The following NLGN1 variants were observed in gnomAD, a reference collection of about 807,000 sequenced individuals.
NLGN1 encodes neuroligin-1.
NLGN1 carries 12 observed loss-of-function variants against 65.5 expected under a neutral mutation model. The ratio of observed to expected loss-of-function variants is 0.18; its 90% CI spans 0.12 to 0.30. NLGN1 has a LOEUF of 0.30. Ranked by LOEUF, NLGN1 falls within the 10% of genes least tolerant of loss-of-function variation. The probability of loss-of-function intolerance (pLI) is 1.00; values close to 1 mark genes in which losing one functional copy is unlikely to be tolerated. For missense variants in NLGN1, 750 were observed against 1,007.1 expected (o/e 0.74, Z 3.46); for synonymous variants, 350 against 359.5 (o/e 0.97, Z 0.30).
intron 3 of NLGN1, among the ~76,000 whole-genome samples, chr3:173,609,187 A>T (rs1322155370): frequency 6.6e-6 from 1 of 152,014 alleles, no homozygotes; most frequent in Non-Finnish European, 1.5e-5. Context: ...AGAGTTGTGT[A>T]GTCTTGTGTT....
chr3:173,729,969 A>G (rs992092968), intron 3 of NLGN1, among the ~76,000 whole-genome samples: 3 of 151,982 alleles, frequency 2.0e-5, no homozygotes, highest in African/African-American at 7.2e-5. Flanking sequence ...AGTGAGGCAG[A>G]ATTTCCTCTT....
chr3:173,413,928 A>G (rs1425752795), intron 1 of NLGN1, among the ~76,000 whole-genome samples: 2 of 152,198 alleles, frequency 1.3e-5, no homozygotes, highest in African/African-American at 2.4e-5. Flanking sequence ...AAGGTAGAAG[A>G]GATGATGTGA....
intron 3 of NLGN1, among the ~76,000 whole-genome samples, chr3:173,697,534 T>G (rs749745410): frequency 2.6e-5 from 4 of 152,134 alleles, no homozygotes; most frequent in Non-Finnish European, 5.9e-5. Context: ...AGAAAGATTT[T>G]CTTTTTTTTT....
intron 2 of NLGN1, among the ~76,000 whole-genome samples, chr3:173,575,770 G>A (rs776284541): frequency 4.6e-5 from 7 of 151,902 alleles, no homozygotes; most frequent in Admixed American, 1.3e-4. Flanking sequence ...TTTAAGTTTC[G>A]TTTCTTTTCA....
At chr3:173,475,773 G>A (rs1413122620) in intron 2 of NLGN1, among the ~76,000 whole-genome samples, 1 of 152,040 alleles carries the variant, frequency 6.6e-6, no homozygotes, top group East Asian at 1.9e-4. Context: ...CTCTTAATCA[G>A]ATTTACAAAA....
At chr3:173,924,509 G>C (rs1167500226) in intron 4 of NLGN1, among the ~76,000 whole-genome samples, 1 of 151,728 alleles carries the variant, frequency 6.6e-6, no homozygotes, top group Non-Finnish European at 1.5e-5. Context: ...CTGTAGTCCA[G>C]CACTTTCAGA....
intron 4 of NLGN1, among the ~76,000 whole-genome samples, chr3:174,137,014 T>A (rs2152682666): frequency 6.6e-6 from 1 of 152,264 alleles, no homozygotes; most frequent in East Asian, 1.9e-4. Flanking sequence ...TACATTAGTC[T>A]ACAGAGGCAA....
intron 4 of NLGN1, among the ~76,000 whole-genome samples, chr3:174,273,330 CAA>C (rs1749845766): frequency 6.6e-6 from 1 of 151,454 alleles, no homozygotes; most frequent in South Asian, 2.1e-4. Flanking sequence ...CTTTTTCCTT[CAA>C]GAGTTTTTCT....
rs897227997 is a variant in NLGN1, at chr3:173,566,510, GA to G, written c.-320-37761del. Among the ~76,000 whole-genome samples, 87 of 151,656 alleles carry G rather than the reference GA, an allele frequency of 5.7e-4. 1 individual carries two copies. Among genetic ancestry groups the G allele is most frequent in the Admixed American group, 4.7e-3 (71 of 15,248 alleles). The stretch of plus-strand genomic sequence containing the variant: ...AAATTCTGTCAAATTAATAAATTTG[GA>G]AAAAAAATATTTCCTTTCTGAAATA... On this transcript the variant is annotated intron_variant, in intron 2 of 6. Transcript: ENST00000457714.
intron 4 of NLGN1, among the ~76,000 whole-genome samples, chr3:173,874,841 G>A (rs73035425): frequency 0.017 from 2,551 of 152,194 alleles, 71 homozygotes; most frequent in African/African-American, 0.058. Context: ...TTTGTGACTA[G>A]TGGTATGTAT....
intron 4 of NLGN1, among the ~76,000 whole-genome samples, chr3:174,250,613 C>G (rs1744591821): frequency 6.6e-6 from 1 of 152,096 alleles, no homozygotes; most frequent in South Asian, 2.1e-4. Flanking sequence ...GCCTGCACTG[C>G]CTGAGTCAAA....
chr3:173,863,357 A>G (rs1482388494), intron 4 of NLGN1, among the ~76,000 whole-genome samples: 1 of 152,182 alleles, frequency 6.6e-6, no homozygotes, highest in Non-Finnish European at 1.5e-5. Context: ...CGTTTCCTAA[A>G]GCTTCTTCAT....
chr3:173,620,683 G>A (rs956783218), intron 3 of NLGN1, among the ~76,000 whole-genome samples: 1 of 152,030 alleles, frequency 6.6e-6, no homozygotes, highest in East Asian at 1.9e-4. Flanking sequence ...ATTTTATTGA[G>A]TCATCTTTTA....
intron 4 of NLGN1, among the ~76,000 whole-genome samples, chr3:174,151,917 A>T (rs1053531248): frequency 6.6e-6 from 1 of 152,152 alleles, no homozygotes; most frequent in Non-Finnish European, 1.5e-5. Context: ...CTGAGAAAAA[A>T]ATATATATAC....
At chr3:173,881,922 C>T (rs1010431894) in intron 4 of NLGN1, among the ~76,000 whole-genome samples, 1 of 152,100 alleles carries the variant, frequency 6.6e-6, no homozygotes, top group Non-Finnish European at 1.5e-5. Context: ...TGCCCAGATT[C>T]GTCAGAAGAA....
At chr3:174,134,750 A>C (rs1200333550) in intron 4 of NLGN1, among the ~76,000 whole-genome samples, 1 of 152,158 alleles carries the variant, frequency 6.6e-6, no homozygotes, top group Non-Finnish European at 1.5e-5. Context: ...GCCACCAGGA[A>C]AGTAAGGACT....
intron 3 of NLGN1, among the ~76,000 whole-genome samples, chr3:173,788,893 G>A (rs1235715135): frequency 7.1e-6 from 1 of 141,666 alleles, no homozygotes; most frequent in East Asian, 2.1e-4. Context: ...GTTCTTCATA[G>A]CCAGTAAGAA....
chr3:173,785,014 CAG>C (rs1439745912), intron 3 of NLGN1, among the ~76,000 whole-genome samples: 2 of 150,962 alleles, frequency 1.3e-5, no homozygotes, highest in South Asian at 2.1e-4. Flanking sequence ...AATATATAGA[CAG>C]AGGCAGAAAT....
intron 4 of NLGN1, among the ~76,000 whole-genome samples, chr3:173,878,072 C>T (rs967312038): frequency 6.6e-5 from 10 of 151,936 alleles, no homozygotes; most frequent in Non-Finnish European, 1.3e-4. Context: ...GACAGAGTCT[C>T]GCTCTGTCAC....
Sources: gnomAD v4.1 joint callset for allele counts (sites outside exome capture counted in the v4.1 genomes callset) on GRCh38, gnomAD v4.1.1 for gene constraint, MANE v1.5 for transcripts, NCBI Gene and HGNC (gene_info 2026-07-23, HGNC 2026-07-21) for gene names.